The following SPINK5 variants were observed in gnomAD, a reference collection of about 807,000 sequenced individuals.
SPINK5 encodes serine peptidase inhibitor Kazal type 5.
Under a neutral mutation model 151.8 loss-of-function variants are expected in SPINK5, and 125 were observed. The ratio of observed to expected loss-of-function variants is 0.82; its 90% CI spans 0.71 to 0.96. SPINK5 has a LOEUF of 0.96. Among genes scored for constraint, SPINK5 ranks in the 40% least tolerant of loss-of-function variants. The pLI is 0.00. For synonymous variants in SPINK5, 374 were observed against 395.3 expected (o/e 0.95, Z 0.64); for missense variants, 1,194 against 1,291.9 (o/e 0.92, Z 1.16).
At position 148,123,631 on chromosome 5, in the gene SPINK5, A is replaced by G. The variant is rs539983386; in HGVS notation, c.2539-202A>G. Among the ~76,000 whole-genome samples, 10 of 147,036 alleles carry G rather than the reference A, an allele frequency of 6.8e-5. No homozygotes were observed. The East Asian group carries it at 2.0e-3, about 30-fold the overall frequency. On this transcript the variant is annotated intron_variant, in intron 26 of 32. Coordinates refer to ENST00000256084, the MANE Select transcript of SPINK5 (RefSeq NM_006846.4). The stretch of plus-strand genomic sequence containing the variant: ...GAAATTCCATTAGGGCAAGACAATC[A>G]TTTGATAGAGATGCAATGGAGAAGA...
At chr5:148,065,428 G>T in intron 2 of SPINK5, 56 bp downstream of exon 2, 1 of 1,587,506 alleles carries the variant, frequency 6.3e-7, no homozygotes. Flanking sequence ...AAAGAAAAGT[G>T]GTTTGTGGCC....
intron 12 of SPINK5, 25 bp downstream of exon 12, chr5:148,099,340 C>T: frequency 6.2e-7 from 1 of 1,601,824 alleles, no homozygotes; most frequent in Non-Finnish European, 8.5e-7. Context: ...TCCAATAAAT[C>T]CTATTTGGTG....
Position 148,114,408 on chromosome 5 carries a change from T to G in SPINK5, c.1934T>G (p.Phe645Cys), listed in dbSNP as rs1196916099. The G allele has an allele frequency of 6.2e-7, 1 of 1,613,604 alleles. No homozygotes were observed. The highest frequency in any genetic ancestry group is 8.5e-7 in the Non-Finnish European group (1 of 1,179,746). Residue 645 changes from phenylalanine (F) to cysteine (C), a missense_variant, in exon 21 of 33, where the codon TTC becomes TGC. Transcript: ENST00000256084. ...FRRLLQNGKL[F>C]CTRENDPVRG... ...AGACTTTTGCAAAATGGAAAACTTT[T>G]CTGCACAAGAGAAAATGATCCTGTG... is the stretch of plus-strand genomic sequence containing the variant.
rs948024218 is a variant in SPINK5, at chr5:148,115,359, G to A, written c.2015+870G>A. Among the ~76,000 whole-genome samples the A allele has an allele frequency of 3.3e-5, 5 of 152,312 alleles. 1 individual carries two copies. The highest frequency in any genetic ancestry group is 3.3e-4 in the Admixed American group (5 of 15,298). ...AGGTCAATTCTACATGTAATGGGAAGCTGCAAAAGTTGTTCAGATAGGACA... is the reference window on the plus strand; with the variant it reads ...AGGTCAATTCTACATGTAATGGGAAACTGCAAAAGTTGTTCAGATAGGACA... On this transcript the variant is annotated intron_variant, in intron 21 of 32. Transcript: ENST00000256084.
chr5:148,113,726 A>G (rs1419560687), intron 20 of SPINK5, among the ~76,000 whole-genome samples: 3 of 130,604 alleles, frequency 2.3e-5, no homozygotes, highest in African/African-American at 8.7e-5. Context: ...TGTATTGCAC[A>G]GTTGTAATAA....
At chr5:148,107,689 C>A (rs1195867715) in intron 17 of SPINK5, among the ~76,000 whole-genome samples, 1 of 152,110 alleles carries the variant, frequency 6.6e-6, no homozygotes, top group Non-Finnish European at 1.5e-5. Context: ...TGGAGTAAAA[C>A]CTTTAGGAAA....
chr5:148,095,503 T>C (rs1361775021), intron 9 of SPINK5, among the ~76,000 whole-genome samples: 1 of 152,002 alleles, frequency 6.6e-6, no homozygotes, highest in African/African-American at 2.4e-5. Context: ...GAGAAGACTA[T>C]TCGATACAAA....
intron 21 of SPINK5, among the ~76,000 whole-genome samples, chr5:148,114,710 G>A (rs1419083768): frequency 2.0e-5 from 3 of 152,094 alleles, no homozygotes; most frequent in Non-Finnish European, 2.9e-5. Flanking sequence ...TGTTAGTTCT[G>A]GGGTAGACCC....
At chr5:148,091,621 A>C (rs1184786337) in intron 8 of SPINK5, among the ~76,000 whole-genome samples, 1 of 151,856 alleles carries the variant, frequency 6.6e-6, no homozygotes, top group Non-Finnish European at 1.5e-5. Context: ...AACAGGAATA[A>C]TTTTAAAATA....
At chr5:148,125,510 C>T in intron 28 of SPINK5, 1 of 1,611,104 alleles carries the variant, frequency 6.2e-7, no homozygotes. Context: ...TTTATGTTTC[C>T]CTACATTTTT....
intron 25 of SPINK5, 44 bp downstream of exon 25, chr5:148,120,180 T>G (rs1754215972): frequency 6.2e-7 from 1 of 1,613,836 alleles, no homozygotes; most frequent in African/African-American, 1.3e-5. Context: ...AGTCTTAAAG[T>G]ACAATAATCA....
At chr5:148,088,954 C>A (rs1753233737) in intron 6 of SPINK5, 2 of 478,134 alleles carry the variant, frequency 4.2e-6, no homozygotes, top group Non-Finnish European at 8.2e-6. Context: ...TGTTTGGAGA[C>A]CTTGGACAAA....
rs1581116199 is a variant in SPINK5 at position 148,134,112 on chromosome 5, T to G, written c.3186+225T>G. ...TATTTTAAAATATTTAATGGGTCCA[T>G]TAATAGATTGTTTATGAGCAATGTC... is the stretch of plus-strand genomic sequence containing the variant. On this transcript the variant is annotated intron_variant, in intron 32 of 32. Coordinates refer to ENST00000256084, the MANE Select transcript of SPINK5 (RefSeq NM_006846.4). 5 of 591,068 alleles carry G rather than the reference T, an allele frequency of 8.5e-6. No homozygotes were observed. In the East Asian group the frequency reaches 1.6e-4, roughly 19 times the overall value. 36.6% of individuals were successfully genotyped at this position (591,068 alleles called of 1,614,324 possible).
intron 17 of SPINK5, 138 bp from the exon 18 acceptor site, chr5:148,108,615 G>C: frequency 8.1e-7 from 1 of 1,235,824 alleles, no homozygotes; most frequent in East Asian, 2.6e-5. Flanking sequence ...TAAAGCAAAA[G>C]CACCTCTCAG....
At chr5:148,106,265 T>C (rs1031338885) in intron 16 of SPINK5, among the ~76,000 whole-genome samples, 1 of 152,086 alleles carries the variant, frequency 6.6e-6, no homozygotes, top group Non-Finnish European at 1.5e-5. Flanking sequence ...TATGTTAGTT[T>C]CTCCAGGGAT....
At position 148,137,029 on chromosome 5, in the gene SPINK5, C is replaced by A. The variant is rs772879624; in HGVS notation, c.*38C>A. Reference sequence around the variant, plus strand: ...TGAAAGCCATGAGGGAAAAAATAAACCCCAGTTCTGAATCACCTACCTTCA... The same window carrying A: ...TGAAAGCCATGAGGGAAAAAATAAAACCCAGTTCTGAATCACCTACCTTCA... On this transcript the variant is annotated 3_prime_UTR_variant, in exon 33 of 33. Coordinates refer to ENST00000256084, the MANE Select transcript of SPINK5 (RefSeq NM_006846.4). 3 of 1,612,892 alleles carry A rather than the reference C, an allele frequency of 1.9e-6. No homozygotes were observed. Among genetic ancestry groups the A allele is most frequent in the Non-Finnish European group, 2.5e-6 (3 of 1,179,026 alleles).
intron 12 of SPINK5, among the ~76,000 whole-genome samples, chr5:148,100,139 T>G (rs557549182): frequency 6.6e-6 from 1 of 152,264 alleles, no homozygotes; most frequent in South Asian, 2.1e-4. Context: ...ACACCTTCCC[T>G]GGTTTCCTTT....
intron 4 of SPINK5, among the ~76,000 whole-genome samples, chr5:148,083,168 T>C (rs1753064872): frequency 6.6e-6 from 1 of 151,558 alleles, no homozygotes; most frequent in Admixed American, 6.6e-5. Context: ...TGTCATTTTT[T>C]ACTTCATATA....
At chr5:148,091,343 T>A in intron 8 of SPINK5, 115 bp downstream of exon 8, 1 of 832,112 alleles carries the variant, frequency 1.2e-6, no homozygotes, top group South Asian at 1.7e-5. Flanking sequence ...ATATAGATAT[T>A]TTTCTTAATA....
Sources: allele counts gnomAD v4.1 joint callset (sites outside exome capture counted in the v4.1 genomes callset), GRCh38; gene constraint gnomAD v4.1.1; transcripts MANE v1.5; gene names NCBI Gene and HGNC (gene_info 2026-07-23, HGNC 2026-07-21).